The following INTS6L variants were observed in gnomAD, a reference collection of about 807,000 sequenced individuals.
INTS6L encodes integrator complex subunit 6-like.
A neutral mutation model predicts 64.7 loss-of-function variants in INTS6L; 18 were observed. That is an observed-to-expected ratio of 0.28 (90% CI 0.19 to 0.41). INTS6L has a LOEUF of 0.41. Ranked by LOEUF, INTS6L falls within the 10% of genes least tolerant of loss-of-function variation. INTS6L has a pLI of 1.00. For synonymous variants in INTS6L, 227 were observed against 235.9 expected, an observed-to-expected ratio of 0.96 and a Z score of 0.34; for missense variants, 533 against 661.0, an observed-to-expected ratio of 0.81 and a Z score of 2.12.
intron 16 of INTS6L, among the ~76,000 whole-genome samples, chrX:135,580,790 A>G (rs2087350816): frequency 8.9e-6 from 1 of 112,621 alleles, no homozygotes; most frequent in East Asian, 2.8e-4. Flanking sequence ...CTTTTTTGCT[A>G]TATAAGGTAA....
chrX:135,570,868 G>T (rs1192531029), intron 11 of INTS6L: 1 of 197,797 alleles, frequency 5.1e-6, no homozygotes, highest in Admixed American at 6.3e-5. Context: ...TTCCTCCTCA[G>T]ATCACTCTGG....
intron 9 of INTS6L, among the ~76,000 whole-genome samples, chrX:135,566,605 C>A (rs1340531760): frequency 9.0e-6 from 1 of 111,461 alleles, no homozygotes; most frequent in African/African-American, 3.3e-5. Flanking sequence ...CTAAAACTTA[C>A]CAGAAAATAT....
intron 2 of INTS6L, 149 bp downstream of exon 2, chrX:135,521,467 G>A (rs1488999624): frequency 7.4e-6 from 4 of 543,050 alleles, no homozygotes; most frequent in Non-Finnish European, 1.1e-5. Context: ...GAGTGGTGCC[G>A]TCGGCGGCTT....
At chrX:135,535,224 A>T (rs1413919365) in intron 2 of INTS6L, among the ~76,000 whole-genome samples, 3 of 111,777 alleles carry the variant, frequency 2.7e-5, no homozygotes, top group Non-Finnish European at 5.6e-5. Context: ...GATATAATGT[A>T]TTCTTAGTGT....
At chrX:135,541,761 A>G (rs1190847867) in intron 2 of INTS6L, among the ~76,000 whole-genome samples, 2 of 112,637 alleles carry the variant, frequency 1.8e-5, no homozygotes, top group Non-Finnish European at 3.7e-5. Context: ...TTTTACTAAC[A>G]TAAGAATACA....
Position 135,520,932 on chromosome X carries a change from C to A in INTS6L, c.-61C>A. On this transcript the variant is annotated 5_prime_UTR_variant, in exon 1 of 18. Transcript: ENST00000639893. ...AGAGTTGAGGGTTCAGGTGGCCGTA[C>A]GCGGCAGTGAGGGCAAGAGGGCCGG... The A allele has an allele frequency of 3.6e-6, 4 of 1,116,586 alleles. No homozygotes were observed. Among genetic ancestry groups the A allele is most frequent in the Non-Finnish European group, 2.4e-6 (2 of 817,278 alleles). 92.0% of individuals were successfully genotyped at this position (1,116,586 alleles called of 1,213,427 possible).
In INTS6L at chrX:135,581,902, A is replaced by G. The variant is rs782783605; in HGVS notation, c.*266A>G. 7,146 of 258,809 alleles carry G rather than the reference A, an allele frequency of 0.028. 112 individuals are homozygous for G. The highest frequency in any genetic ancestry group is 0.037 in the Non-Finnish European group (5,564 of 148,745). 21.3% of individuals were successfully genotyped at this position (258,809 alleles called of 1,213,427 possible). On this transcript the variant is annotated 3_prime_UTR_variant, in exon 18 of 18. Coordinates refer to ENST00000639893, the MANE Select transcript of INTS6L (RefSeq NM_001351601.3). ...AATTCACAGGCTAAATTCGGTAAACACCACTGCCCCTACCACGGGTAATGA... is the reference window on the plus strand; with the variant it reads ...AATTCACAGGCTAAATTCGGTAAACGCCACTGCCCCTACCACGGGTAATGA...
intron 2 of INTS6L, among the ~76,000 whole-genome samples, chrX:135,523,374 C>T (rs1210558057): frequency 1.2e-5 from 1 of 81,989 alleles, no homozygotes; most frequent in South Asian, 7.2e-4. Flanking sequence ...TGCACTCCAG[C>T]CTGGGCAAGA....
At chrX:135,521,192 TCCCC>T in intron 1 of INTS6L, 45 bp from the exon 2 acceptor site, 1 of 1,178,981 alleles carries the variant, frequency 8.5e-7, no homozygotes, top group Admixed American at 2.3e-5. Context: ...TGTATCGCCC[TCCCC>T]CCTCCTTTCC....
At chrX:135,563,633 G>GTGTGTGTGTGTATA (rs1556523326) in intron 9 of INTS6L, among the ~76,000 whole-genome samples, 3 of 10,413 alleles carry the variant, frequency 2.9e-4, no homozygotes, top group African/African-American at 5.5e-4. Flanking sequence ...GTGTGTGTGT[G>GTGTGTGTGTGTATA]TATATATATA....
intron 2 of INTS6L, among the ~76,000 whole-genome samples, chrX:135,526,128 T>C (rs2085728539): frequency 9.0e-6 from 1 of 111,574 alleles, no homozygotes; most frequent in Admixed American, 9.5e-5. Context: ...TTCATTCTTA[T>C]TTGCTCCTCG....
chrX:135,546,928 A>G, intron 5 of INTS6L, 43 bp downstream of exon 5: 1 of 1,176,262 alleles, frequency 8.5e-7, no homozygotes, highest in Non-Finnish European at 1.1e-6. Context: ...AATTCAGAGC[A>G]TAGAGTATAT....
At chrX:135,571,934 T>A (rs193248914) in intron 11 of INTS6L, 4 of 112,002 alleles carry the variant, frequency 3.6e-5, no homozygotes, top group Admixed American at 9.5e-5. Flanking sequence ...AAGAATTTTT[T>A]AGTGATAATA....
intron 5 of INTS6L, 41 bp from the exon 6 acceptor site, chrX:135,547,096 T>A: frequency 8.4e-7 from 1 of 1,191,073 alleles, no homozygotes; most frequent in Non-Finnish European, 1.1e-6. Flanking sequence ...TGAAATTATA[T>A]TTGATCAAAC....
At chrX:135,559,410 T>C (rs1231996943) in intron 9 of INTS6L, among the ~76,000 whole-genome samples, 1 of 112,100 alleles carries the variant, frequency 8.9e-6, no homozygotes. Context: ...CCTTTTGGGA[T>C]TGGCTTTTTT....
At chrX:135,536,994 A>G (rs1228353622) in intron 2 of INTS6L, among the ~76,000 whole-genome samples, 1 of 112,179 alleles carries the variant, frequency 8.9e-6, no homozygotes, top group Non-Finnish European at 1.9e-5. Flanking sequence ...TTAGCACCAC[A>G]TGTCAGAGAA....
intron 2 of INTS6L, among the ~76,000 whole-genome samples, chrX:135,537,986 T>C (rs2086099715): frequency 8.9e-6 from 1 of 112,642 alleles, no homozygotes; most frequent in Admixed American, 9.4e-5. Flanking sequence ...GTCATAATCT[T>C]TTTGCTGGTG....
Position 135,579,803 on chromosome X carries a change from A to G in INTS6L, c.2135A>G (p.His712Arg), listed in dbSNP as rs2087324608. ...TLVHTDATII[H>R]DGHEEKMENG... Reference sequence around the variant, plus strand: ...TGGTTTCCAGATGCTACTATCATTCACGATGGCCATGAGGAGAAGATGGAA... The same window carrying G: ...TGGTTTCCAGATGCTACTATCATTCGCGATGGCCATGAGGAGAAGATGGAA... Residue 712 changes from histidine (H) to arginine (R), a missense_variant, in exon 16 of 18, where the codon CAC becomes CGC. By Grantham distance (29) the His-to-Arg change is conservative. Coordinates refer to ENST00000639893, the MANE Select transcript of INTS6L (RefSeq NM_001351601.3). 8.4e-7 allele frequency: 1 copy of G among 1,186,731 alleles called. No homozygotes were observed. The highest frequency in any genetic ancestry group is 1.1e-6 in the Non-Finnish European group (1 of 881,762).
intron 2 of INTS6L, among the ~76,000 whole-genome samples, chrX:135,535,362 C>T (rs1362472038): frequency 4.4e-5 from 5 of 112,363 alleles, no homozygotes; most frequent in African/African-American, 1.6e-4. Flanking sequence ...AGCAAGTAAA[C>T]CTTGTCTTTG....
Sources: gnomAD v4.1 joint callset for allele counts (sites outside exome capture counted in the v4.1 genomes callset) on GRCh38, gnomAD v4.1.1 for gene constraint, MANE v1.5 for transcripts, NCBI Gene and HGNC (gene_info 2026-07-23, HGNC 2026-07-21) for gene names.